ODF2L: variants seen among roughly 807,000 people sequenced by gnomAD.
ODF2L encodes the protein protein BCAP.
Under a neutral mutation model 86.3 loss-of-function variants are expected in ODF2L, and 76 were observed. The ratio of observed to expected loss-of-function variants is 0.88; its 90% CI spans 0.73 to 1.07. ODF2L has a LOEUF of 1.07. Ranked by LOEUF, ODF2L falls within the 50% of genes least tolerant of loss-of-function variation. The pLI, the probability that ODF2L is intolerant of heterozygous loss-of-function variation, is 0.00. For synonymous variants in ODF2L, 241 were observed against 231.3 expected, an observed-to-expected ratio of 1.04 and a Z score of -0.38; for missense variants, 748 against 717.4, an observed-to-expected ratio of 1.04 and a Z score of -0.49.
intron 1 of ODF2L, among the ~76,000 whole-genome samples, chr1:86,391,255 C>T (rs1366694194): frequency 6.6e-6 from 1 of 152,134 alleles, no homozygotes; most frequent in Non-Finnish European, 1.5e-5. Flanking sequence ...TGAAAAGGGC[C>T]ATACTGCCAA....
chr1:86,382,177 G>T (rs979224341), intron 7 of ODF2L, 65 bp downstream of exon 7: 3 of 1,485,884 alleles, frequency 2.0e-6, no homozygotes, highest in Non-Finnish European at 2.7e-6. Context: ...ACTAAGGAAG[G>T]CTTTATGGCC....
chr1:86,370,775 T>C (rs1400577009), intron 10 of ODF2L, among the ~76,000 whole-genome samples: 1 of 152,202 alleles, frequency 6.6e-6, no homozygotes, highest in African/African-American at 2.4e-5. Flanking sequence ...AAAGTTAATG[T>C]AATTTGGATG....
At chr1:86,356,744 A>T in intron 13 of ODF2L, 142 bp from the exon 13 acceptor site, 1 of 606,734 alleles carries the variant, frequency 1.6e-6, no homozygotes, top group Non-Finnish European at 2.5e-6. Flanking sequence ...AATAAATATT[A>T]AACTCTGTTA....
downstream of ODF2L, chr1:86,349,653 AT>A (rs952293633): frequency 2.6e-5 from 4 of 152,232 alleles, no homozygotes; most frequent in Admixed American, 2.0e-4. Flanking sequence ...TTACTCAACA[AT>A]TTGGAAAGAA....
At chr1:86,385,479 A>G in exon 3 of ODF2L, 1 of 1,589,020 alleles carries the variant, frequency 6.3e-7, no homozygotes, top group South Asian at 1.1e-5. Flanking sequence ...TAATCTTTTC[A>G]ATGGTGTCCT....
chr1:86,371,922 T>C (rs919407163), intron 9 of ODF2L, among the ~76,000 whole-genome samples: 1 of 152,142 alleles, frequency 6.6e-6, no homozygotes, highest in African/African-American at 2.4e-5. Context: ...GCGTGGTGGC[T>C]CACGCCTGTA....
exon 18 of ODF2L, chr1:86,350,610 T>A (rs912563704): frequency 5.9e-5 from 9 of 152,238 alleles, no homozygotes; most frequent in African/African-American, 2.2e-4. Flanking sequence ...CCTTTGGGTA[T>A]ATACCCAGTA....
intron 13 of ODF2L, chr1:86,358,336 T>C (rs530247853): frequency 6.6e-6 from 1 of 151,858 alleles, no homozygotes; most frequent in East Asian, 1.9e-4. Flanking sequence ...TCTGTTGCAA[T>C]AGAACAAATA....
intron 7 of ODF2L, among the ~76,000 whole-genome samples, chr1:86,377,539 C>T (rs1206635764): frequency 1.3e-5 from 2 of 152,202 alleles, no homozygotes; most frequent in African/African-American, 4.8e-5. Flanking sequence ...AGGGCTCCAC[C>T]CCCGCAGCAA....
intron 8 of ODF2L, among the ~76,000 whole-genome samples, chr1:86,375,960 T>C (rs943687679): frequency 3.3e-5 from 5 of 152,162 alleles, no homozygotes; most frequent in Non-Finnish European, 5.9e-5. Flanking sequence ...AGTTGGCCAA[T>C]AGAACCTTTT....
At chr1:86,369,227 G>T (rs1460185317) in intron 10 of ODF2L, among the ~76,000 whole-genome samples, 1 of 151,982 alleles carries the variant, frequency 6.6e-6, no homozygotes, top group African/African-American at 2.4e-5. Context: ...AAAATTTCTT[G>T]AAGGAAAAAA....
intron 3 of ODF2L, among the ~76,000 whole-genome samples, 200 bp from the exon 4 acceptor site, chr1:86,385,001 G>A (rs907043254): frequency 1.3e-5 from 2 of 151,792 alleles, no homozygotes; most frequent in African/African-American, 2.4e-5. Flanking sequence ...ATCAAAATAA[G>A]AGCTTAGATT....
At chr1:86,358,130 G>C (rs949663590) in intron 13 of ODF2L, 4 of 979,610 alleles carry the variant, frequency 4.1e-6, no homozygotes, top group Non-Finnish European at 4.9e-6. Context: ...AACCCAGAGA[G>C]AGTAACCTTA....
intron 1 of ODF2L, among the ~76,000 whole-genome samples, chr1:86,394,714 G>C (rs1273062071): frequency 6.6e-6 from 1 of 151,732 alleles, no homozygotes. Flanking sequence ...CATCCATTGT[G>C]AAATAAGAAG....
chr1:86,371,427 C>T (rs1308960749), intron 9 of ODF2L, among the ~76,000 whole-genome samples: 2 of 152,124 alleles, frequency 1.3e-5, no homozygotes, highest in Non-Finnish European at 2.9e-5. Context: ...AACTTCTAAA[C>T]TATTATCCAC....
At chr1:86,377,388 C>G (rs1163704428) in intron 7 of ODF2L, among the ~76,000 whole-genome samples, 1 of 152,194 alleles carries the variant, frequency 6.6e-6, no homozygotes, top group African/African-American at 2.4e-5. Context: ...TGCAAGCTGT[C>G]AATGCATCTA....
At chr1:86,360,622 G>C in intron 11 of ODF2L, 86 bp from the exon 11 acceptor site, 1 of 585,886 alleles carries the variant, frequency 1.7e-6, no homozygotes, top group South Asian at 2.7e-5. Flanking sequence ...CATAACTCAT[G>C]TATTAACAAA....
intron 7 of ODF2L, among the ~76,000 whole-genome samples, chr1:86,377,448 G>GCTCTTCTC (rs1558043926): frequency 2.0e-5 from 3 of 152,160 alleles, no homozygotes; most frequent in Non-Finnish European, 4.4e-5. Flanking sequence ...AGCTCCACTA[G>GCTCTTCTC]GCAGTGCTCC....
intron 6 of ODF2L, 144 bp downstream of exon 6, chr1:86,382,787 T>TA: frequency 1.6e-6 from 1 of 610,538 alleles, no homozygotes; most frequent in African/African-American, 1.9e-5. Context: ...ATTTGATAGG[T>TA]AAAACCTGTA....
Sources: gnomAD v4.1 joint callset for allele counts (sites outside exome capture counted in the v4.1 genomes callset) on GRCh38, gnomAD v4.1.1 for gene constraint, MANE v1.5 for transcripts, NCBI Gene and HGNC (gene_info 2026-07-23, HGNC 2026-07-21) for gene names.